The following DLAT variants were observed in gnomAD, a reference collection of about 807,000 sequenced individuals.
The protein encoded by DLAT is dihydrolipoamide S-acetyltransferase.
A neutral mutation model predicts 68.0 loss-of-function variants in DLAT; 43 were observed. The observed-to-expected ratio is 0.63, with a 90% confidence interval of 0.50 to 0.81. DLAT has a LOEUF of 0.81. DLAT is among the 40% of genes least tolerant of loss of function. DLAT has a pLI of 0.00. For synonymous variants in DLAT, 265 were observed against 288.6 expected (o/e 0.92, Z 0.83); for missense variants, 745 against 815.4 (o/e 0.91, Z 1.05).
At chr11:112,045,486 G>C (rs1216266375) in intron 9 of DLAT, among the ~76,000 whole-genome samples, 1 of 152,098 alleles carries the variant, frequency 6.6e-6, no homozygotes, top group African/African-American at 2.4e-5. Flanking sequence ...CAGACTTCGA[G>C]ACCAGCCTGG....
intron 11 of DLAT, among the ~76,000 whole-genome samples, chr11:112,059,353 CT>C (rs1229235062): frequency 2.4e-3 from 314 of 130,630 alleles, no homozygotes; most frequent in South Asian, 5.8e-3. Flanking sequence ...ATTTCTCATT[CT>C]TTTTTTTTTT....
At chr11:112,059,138 C>T (rs1164350587) in intron 11 of DLAT, among the ~76,000 whole-genome samples, 2 of 151,966 alleles carry the variant, frequency 1.3e-5, no homozygotes, top group Non-Finnish European at 2.9e-5. Context: ...CTATTTCTTG[C>T]TACAATGCAG....
chr11:112,060,064 A>G lies in DLAT; in HGVS notation c.1676A>G (p.Gln559Arg), dbSNP rs1864461193. 6.2e-7 allele frequency: 1 copy of G among 1,612,988 alleles called. No individual in the cohort carries two copies. Among genetic ancestry groups the G allele is most frequent in the Admixed American group, 1.7e-5 (1 of 59,972 alleles). Residue 559 changes from glutamine (Q) to arginine (R), a missense_variant and splice_region_variant, in exon 12 of 14, where the codon CAG becomes CGG. Physicochemically the swap from Gln to Arg is conservative, Grantham distance 43. Coordinates refer to ENST00000280346, the MANE Select transcript of DLAT (RefSeq NM_001931.5). ...GGTAAACTACAGCCACATGAATTCC[A>G]GGTAGGGTATTAATTATTGCTTTCT... is the stretch of plus-strand genomic sequence containing the variant. ...REGKLQPHEF[Q>R]GGTFTISNLG...
At chr11:112,030,396 G>A in intron 4 of DLAT, 1 of 412,638 alleles carries the variant, frequency 2.4e-6, no homozygotes, top group Non-Finnish European at 4.8e-6. Flanking sequence ...GAAGTCGGGG[G>A]ATCATATTTC....
chr11:112,056,095 T>C (rs1400402023), intron 11 of DLAT, among the ~76,000 whole-genome samples: 1 of 151,960 alleles, frequency 6.6e-6, no homozygotes, highest in East Asian at 1.9e-4. Flanking sequence ...CTCAATCTCT[T>C]GACTTTGTGA....
In DLAT at chr11:112,043,448, T is replaced by C. The variant is rs1863146921; in HGVS notation, c.1130-18T>C. On this transcript the variant is annotated intron_variant, in intron 7 of 13. Transcript: ENST00000280346. ...CAATGGTATGTCATCATGTATGTGA[T>C]ATTTATGTCTCTTACAGGGACAGGA... is the stretch of plus-strand genomic sequence containing the variant. The C allele has an allele frequency of 6.2e-7, 1 of 1,610,016 alleles. No homozygotes were observed. The highest frequency in any genetic ancestry group is 8.5e-7 in the Non-Finnish European group (1 of 1,176,304).
chr11:112,045,122 T>C lies in DLAT; in HGVS notation c.1198-16T>C, dbSNP rs377389152. 4.3e-6 allele frequency: 7 copies of C among 1,609,846 alleles called. No homozygotes were observed. The African/African-American group carries it at 9.4e-5, about 22-fold the overall frequency. Reference sequence around the variant, plus strand: ...TTGAATCACAGTTACTAAGAGCTTTTTCTTTCCTCCCATAGGCTCCGGCAG... The same window carrying C: ...TTGAATCACAGTTACTAAGAGCTTTCTCTTTCCTCCCATAGGCTCCGGCAG... On this transcript the variant is annotated splice_polypyrimidine_tract_variant and intron_variant, in intron 8 of 13. Coordinates refer to ENST00000280346, the MANE Select transcript of DLAT (RefSeq NM_001931.5).
chr11:112,057,725 A>G (rs1197451283), intron 11 of DLAT, among the ~76,000 whole-genome samples: 3 of 152,208 alleles, frequency 2.0e-5, no homozygotes, highest in Non-Finnish European at 4.4e-5. Context: ...AGGCCATAAT[A>G]ACATAAAAGT....
chr11:112,059,896 T>A lies in DLAT; in HGVS notation c.1515-7T>A, dbSNP rs782558517. On this transcript the variant is annotated splice_region_variant and splice_polypyrimidine_tract_variant and intron_variant, in intron 11 of 13. Transcript: ENST00000280346. ...TTTTTATTATATTTATTTTTCTTTT[T>A]AAACAGAAATCATGTTGTTGATGTC... The A allele has an allele frequency of 5.7e-6, 9 of 1,586,698 alleles. No homozygotes were observed. The Admixed American group carries it at 1.6e-4, about 28-fold the overall frequency.
intron 10 of DLAT, among the ~76,000 whole-genome samples, chr11:112,049,686 T>C (rs1863510367): frequency 6.6e-6 from 1 of 152,186 alleles, no homozygotes; most frequent in African/African-American, 2.4e-5. Flanking sequence ...CAATTCATTT[T>C]TCTATATTGA....
chr11:112,055,368 C>T lies in DLAT; in HGVS notation c.1514+4019C>T, dbSNP rs193227872. Among the ~76,000 whole-genome samples, 31 of 151,600 alleles carry T rather than the reference C, an allele frequency of 2.0e-4. No individual in the cohort carries two copies. In the East Asian group the frequency reaches 3.3e-3, roughly 16 times the overall value. On this transcript the variant is annotated intron_variant, in intron 11 of 13. Transcript: ENST00000280346. ...ATGCCGTTCTCCTGCCTCAGCCTCC[C>T]GAGTAGCTGGGACTACAGGTGTGCA...
chr11:112,048,100 A>G (rs2137805379), intron 10 of DLAT, among the ~76,000 whole-genome samples: 1 of 152,356 alleles, frequency 6.6e-6, no homozygotes, highest in South Asian at 2.1e-4. Context: ...ATGCATGAGC[A>G]TGGAATGCTT....
At chr11:112,061,935 A>C (rs1864654311) in intron 13 of DLAT, among the ~76,000 whole-genome samples, 2 of 152,146 alleles carry the variant, frequency 1.3e-5, no homozygotes, top group Non-Finnish European at 2.9e-5. Flanking sequence ...ATCTTCAAAT[A>C]AAATTATATA....
chr11:112,062,669 T>A lies in DLAT; in HGVS notation c.*134T>A. On this transcript the variant is annotated 3_prime_UTR_variant, in exon 14 of 14. Transcript: ENST00000280346. Reference sequence around the variant, plus strand: ...TTATTGAGTCTGTCCAGATAAGTTATTTATAATGGGCATTACTGAATTTTT... The same window carrying A: ...TTATTGAGTCTGTCCAGATAAGTTAATTATAATGGGCATTACTGAATTTTT... 1 of 1,056,916 alleles carries A rather than the reference T, an allele frequency of 9.5e-7. No homozygotes were observed. Among genetic ancestry groups the A allele is most frequent in the Non-Finnish European group, 1.4e-6 (1 of 723,812 alleles). 65.5% of individuals were successfully genotyped at this position (1,056,916 alleles called of 1,614,324 possible).
intron 8 of DLAT, 144 bp downstream of exon 8, chr11:112,043,677 G>A (rs1863159056): frequency 1.2e-6 from 1 of 840,344 alleles, no homozygotes; most frequent in Non-Finnish European, 2.0e-6. Flanking sequence ...TCATCCCTCG[G>A]TACCCATGAG....
intron 4 of DLAT, among the ~76,000 whole-genome samples, chr11:112,029,146 TA>T (rs371678198): frequency 6.6e-6 from 1 of 152,364 alleles, no homozygotes; most frequent in East Asian, 1.9e-4. Context: ...ACAGTTCCTG[TA>T]ACCTTTCTCA....
chr11:112,051,268 A>G lies in DLAT; in HGVS notation c.1433A>G (p.Asp478Gly), dbSNP rs781808399. Residue 478 changes from aspartate to glycine, a missense_variant, in exon 11 of 14, where the codon GAC becomes GGC. Physicochemically the swap from Asp to Gly is moderately conservative, Grantham distance 94 (BLOSUM62 -1). Transcript: ENST00000280346. The surrounding 1 kb of genome is among the most constrained non-coding windows in gnomAD (Gnocchi z 4.3). ...GGGAGAAGCAAAATTTCTGTCAATGACTTCATCATAAAAGCTTCAGCTTTG... is the reference window on the plus strand; with the variant it reads ...GGGAGAAGCAAAATTTCTGTCAATGGCTTCATCATAAAAGCTTCAGCTTTG... ...LEGRSKISVN[D>G]FIIKASALAC... The G allele has an allele frequency of 3.1e-6, 5 of 1,613,150 alleles. No individual in the cohort carries two copies. In the South Asian group the frequency reaches 5.5e-5, roughly 18 times the overall value.
chr11:112,036,996 G>A (rs1056482806), intron 5 of DLAT: 1 of 411,670 alleles, frequency 2.4e-6, no homozygotes, highest in Non-Finnish European at 4.4e-6. Flanking sequence ...TTTTTATTTG[G>A]CATTTACTTT....
At chr11:112,032,033 A>G (rs1217751272) in intron 4 of DLAT, among the ~76,000 whole-genome samples, 1 of 150,706 alleles carries the variant, frequency 6.6e-6, no homozygotes, top group Non-Finnish European at 1.5e-5. Context: ...GGTGGGTGTC[A>G]CCATGCCCAG....
Sources: allele counts gnomAD v4.1 joint callset (sites outside exome capture counted in the v4.1 genomes callset), GRCh38; gene constraint gnomAD v4.1.1; non-coding constraint Gnocchi (gnomAD v3.1); transcripts MANE v1.5; gene names NCBI Gene and HGNC (gene_info 2026-07-23, HGNC 2026-07-21).